PRKCH: variants seen among roughly 807,000 people sequenced by gnomAD.
PRKCH encodes the protein protein kinase C eta, also known as protein kinase C eta type.
In PRKCH, 28 loss-of-function variants were observed where a neutral mutation model predicts 82.5. The ratio of observed to expected loss-of-function variants is 0.34; its 90% CI spans 0.25 to 0.47. The LOEUF is 0.47. Among genes scored for constraint, PRKCH ranks in the 20% least tolerant of loss-of-function variants. The pLI is 1.00. For missense variants in PRKCH, 705 were observed against 881.8 expected (o/e 0.80, Z 2.54); for synonymous variants, 322 against 327.4 (o/e 0.98, Z 0.18).
rs113453172 is a variant in PRKCH at position 61,196,735 on chromosome 14, T to C, written c.-19+9067T>C. ...TTAAGAACACAGATAAACTATGTTATAGTTACACAGAACAACAGACAGGAC... is the reference window on the plus strand; with the variant it reads ...TTAAGAACACAGATAAACTATGTTACAGTTACACAGAACAACAGACAGGAC... On this transcript the variant is annotated intron_variant, in intron 1 of 3. Coordinates refer to the PRKCH transcript ENST00000555185. Among the ~76,000 whole-genome samples, 586 of 152,330 alleles carry C rather than the reference T, an allele frequency of 3.8e-3. 4 individuals carry two copies. The highest frequency in any genetic ancestry group is 0.013 in the African/African-American group (553 of 41,570).
chr14:61,437,019 GC>G (rs1883712106), intron 2 of PRKCH, among the ~76,000 whole-genome samples: 2 of 152,134 alleles, frequency 1.3e-5, no homozygotes, highest in South Asian at 4.1e-4. Context: ...TGATTTATTC[GC>G]TCAGTGCCCG....
chr14:61,295,118 G>T (rs1384760197), intron 1 of PRKCH, among the ~76,000 whole-genome samples: 1 of 151,970 alleles, frequency 6.6e-6, no homozygotes, highest in Non-Finnish European at 1.5e-5. Flanking sequence ...CACCTGCCTC[G>T]ACCTCCCAAA....
At chr14:61,240,283 C>T (rs143444407) in intron 1 of PRKCH, among the ~76,000 whole-genome samples, 196 of 152,228 alleles carry the variant, frequency 1.3e-3, no homozygotes, top group Non-Finnish European at 2.0e-3. Flanking sequence ...CCCCACATGC[C>T]GCAGAAAGCA....
At chr14:61,281,176 C>G in intron 1 of PRKCH, 5 of 1,279,174 alleles carry the variant, frequency 3.9e-6, no homozygotes, top group Non-Finnish European at 4.9e-6. Flanking sequence ...GACGCGCGGG[C>G]TGACCGAGTG....
chr14:61,407,466 G>A (rs1166658179), intron 2 of PRKCH, among the ~76,000 whole-genome samples: 1 of 152,130 alleles, frequency 6.6e-6, no homozygotes, highest in Non-Finnish European at 1.5e-5. Flanking sequence ...CTCTAGGAGG[G>A]AACTGTATTG....
At chr14:61,526,293 C>A (rs1373695383) in intron 10 of PRKCH, among the ~76,000 whole-genome samples, 1 of 152,188 alleles carries the variant, frequency 6.6e-6, no homozygotes. Context: ...GGGTTAGAGA[C>A]ACAGAAAGCT....
intron 1 of PRKCH, among the ~76,000 whole-genome samples, chr14:61,210,161 T>TAA (rs749011188): frequency 0.027 from 2,594 of 94,724 alleles, 222 homozygotes; most frequent in Non-Finnish European, 0.037. Context: ...TATATATATA[T>TAA]AAATTAGCTT....
intron 1 of PRKCH, among the ~76,000 whole-genome samples, chr14:61,244,105 A>T (rs1217916742): frequency 1.3e-5 from 2 of 152,210 alleles, no homozygotes; most frequent in Non-Finnish European, 2.9e-5. Flanking sequence ...AAGGCTGAGC[A>T]GCAAGAGACC....
At chr14:61,368,184 C>T (rs2046321400) in intron 1 of PRKCH, among the ~76,000 whole-genome samples, 1 of 151,972 alleles carries the variant, frequency 6.6e-6, no homozygotes, top group African/African-American at 2.4e-5. Flanking sequence ...CAAGGTTCAC[C>T]CTCCCATGTT....
chr14:61,338,018 G>A (rs2045880848), intron 1 of PRKCH, among the ~76,000 whole-genome samples: 1 of 152,128 alleles, frequency 6.6e-6, no homozygotes, highest in South Asian at 2.1e-4. Flanking sequence ...TTCTTGTCAT[G>A]CACATCCTGT....
At chr14:61,472,637 G>A (rs555885453) in intron 9 of PRKCH, among the ~76,000 whole-genome samples, 1 of 152,210 alleles carries the variant, frequency 6.6e-6, no homozygotes, top group Admixed American at 6.5e-5. Context: ...CTGCATTAGC[G>A]AACTGGGACT....
chr14:61,546,781 A>T (rs1167390773), intron 12 of PRKCH, among the ~76,000 whole-genome samples: 1 of 152,166 alleles, frequency 6.6e-6, no homozygotes, highest in Non-Finnish European at 1.5e-5. Context: ...CAAAAACAAA[A>T]CTTTTTATCC....
At chr14:61,500,977 G>A (rs571026036) in intron 10 of PRKCH, among the ~76,000 whole-genome samples, 1 of 152,290 alleles carries the variant, frequency 6.6e-6, no homozygotes, top group South Asian at 2.1e-4. Flanking sequence ...AAATGAGACA[G>A]TATTGGCTTA....
At chr14:61,376,777 G>C (rs938670317) in intron 1 of PRKCH, among the ~76,000 whole-genome samples, 2 of 152,162 alleles carry the variant, frequency 1.3e-5, no homozygotes, top group Admixed American at 1.3e-4. Context: ...TGAAATTTCA[G>C]TTCTTAACTT....
intron 1 of PRKCH, among the ~76,000 whole-genome samples, chr14:61,255,262 T>G (rs2044987421): frequency 6.6e-6 from 1 of 152,350 alleles, no homozygotes; most frequent in South Asian, 2.1e-4. Context: ...TGACCAGGTT[T>G]GTGTTGTTAT....
At chr14:61,194,417 C>T (rs1437250289) in intron 1 of PRKCH, among the ~76,000 whole-genome samples, 5 of 152,260 alleles carry the variant, frequency 3.3e-5, no homozygotes, top group South Asian at 4.1e-4. Flanking sequence ...GTGGGATTAA[C>T]GCTCTTATAA....
At chr14:61,392,067 A>G (rs1041350674) in intron 2 of PRKCH, among the ~76,000 whole-genome samples, 1 of 152,094 alleles carries the variant, frequency 6.6e-6, no homozygotes, top group Non-Finnish European at 1.5e-5. Flanking sequence ...GAAGATTCAT[A>G]TCATTGTGTA....
chr14:61,530,834 T>G (rs1307285638), intron 12 of PRKCH, among the ~76,000 whole-genome samples: 2 of 152,244 alleles, frequency 1.3e-5, no homozygotes, highest in East Asian at 1.9e-4. Flanking sequence ...CCTTGATAAC[T>G]TTGTTTGCCA....
chr14:61,239,218 GC>G (rs2044814685), intron 1 of PRKCH, among the ~76,000 whole-genome samples: 1 of 152,132 alleles, frequency 6.6e-6, no homozygotes, highest in South Asian at 2.1e-4. Flanking sequence ...CAAAGATACT[GC>G]CCCTAAATTA....
Sources: gnomAD v4.1 joint callset for allele counts (sites outside exome capture counted in the v4.1 genomes callset) on GRCh38, gnomAD v4.1.1 for gene constraint, MANE v1.5 for transcripts, NCBI Gene and HGNC (gene_info 2026-07-23, HGNC 2026-07-21) for gene names.